TCF20: variants seen among roughly 807,000 people sequenced by gnomAD.
TCF20 encodes transcription factor 20.
In TCF20, 3 loss-of-function variants were observed where a neutral mutation model predicts 148.6. That is an observed-to-expected ratio of 0.02 (90% CI 0.01 to 0.05). TCF20 has a LOEUF of 0.05. Ranked by LOEUF, TCF20 falls within the 10% of genes least tolerant of loss-of-function variation. The pLI is 1.00. For synonymous variants in TCF20, 1,049 were observed against 909.5 expected (o/e 1.15, Z -2.76); for missense variants, 2,350 against 2,429.3 (o/e 0.97, Z 0.69).
intron 1 of TCF20, among the ~76,000 whole-genome samples, chr22:42,323,869 G>GTGGTGATGGAGGTTA (rs1927784379): frequency 7.4e-6 from 1 of 135,418 alleles, no homozygotes; most frequent in Non-Finnish European, 1.7e-5. Flanking sequence ...TATGGTGGTG[G>GTGGTGATGGAGGTTA]TGGTGGTGGT....
chr22:42,162,715 T>TCCC (rs1569091009), intron 5 of TCF20, among the ~76,000 whole-genome samples: 1 of 152,130 alleles, frequency 6.6e-6, no homozygotes, highest in African/African-American at 2.4e-5. Context: ...TTTGGTGCCC[T>TCCC]CCCCTGACAA....
intron 1 of TCF20, among the ~76,000 whole-genome samples, chr22:42,219,230 T>C: frequency 6.6e-6 from 1 of 150,808 alleles, no homozygotes; most frequent in Non-Finnish European, 1.5e-5. Flanking sequence ...TGTCATGAGG[T>C]GTGCCTACAG....
intron 1 of TCF20, among the ~76,000 whole-genome samples, chr22:42,298,332 T>TG (rs1927272087): frequency 6.6e-6 from 1 of 152,160 alleles, no homozygotes; most frequent in Non-Finnish European, 1.5e-5. Flanking sequence ...CATGGGCGAT[T>TG]GACCCAAAGG....
chr22:42,275,708 A>G (rs969279345), intron 1 of TCF20, among the ~76,000 whole-genome samples: 2 of 152,170 alleles, frequency 1.3e-5, no homozygotes, highest in African/African-American at 2.4e-5. Context: ...CACAGAGGTT[A>G]AGAGACTTGC....
At chr22:42,272,697 G>C (rs1388293885), upstream of TCF20, among the ~76,000 whole-genome samples, 1 of 152,190 alleles carries the variant, frequency 6.6e-6, no homozygotes, top group Non-Finnish European at 1.5e-5. Flanking sequence ...GACCAGGCCA[G>C]CTGGGCCTCT....
At chr22:42,318,010 G>A (rs886178685) in intron 1 of TCF20, among the ~76,000 whole-genome samples, 1 of 152,110 alleles carries the variant, frequency 6.6e-6, no homozygotes, top group Non-Finnish European at 1.5e-5. Context: ...GCACAGGGGC[G>A]TGTGCCCAGG....
intron 1 of TCF20, among the ~76,000 whole-genome samples, chr22:42,219,866 TAAAA>T (rs1356151261): frequency 1.3e-5 from 2 of 151,884 alleles, no homozygotes; most frequent in Non-Finnish European, 2.9e-5. Flanking sequence ...AATAAATAAA[TAAAA>T]AAGAGGCCTA....
Position 42,211,131 on chromosome 22 carries a change from G to A in TCF20, c.4175C>T (p.Pro1392Leu), listed in dbSNP as rs1442867160. The change falls in exon 2 of 6, where the codon CCT becomes CTT. Residue 1392 changes from proline to leucine, a missense_variant. Transcript: ENST00000677622. ...AACAGCAACACTCCCACCTTCAGGA[G>A]GACCACTCTTCAAAGACAGTATATC... ...LDDILSLKSGPPEGGSVAVQD... is the reference protein window; with the variant it reads ...LDDILSLKSGLPEGGSVAVQD... 2.5e-6 allele frequency: 4 copies of A among 1,614,152 alleles called. No individual in the cohort carries two copies. In the South Asian group the frequency reaches 4.4e-5, roughly 18 times the overall value.
At chr22:42,263,027 T>C (rs938190896) in intron 1 of TCF20, among the ~76,000 whole-genome samples, 4 of 152,168 alleles carry the variant, frequency 2.6e-5, no homozygotes, top group Non-Finnish European at 2.9e-5. Context: ...GAGTGCCACC[T>C]GCAGGCAGTC....
intron 3 of TCF20, among the ~76,000 whole-genome samples, chr22:42,176,697 T>C (rs887192201): frequency 8.5e-5 from 13 of 152,286 alleles, no homozygotes; most frequent in African/African-American, 2.6e-4. Context: ...ATACATCTAA[T>C]GCTCAAGTAA....
Position 42,219,355 on chromosome 22 carries a change from C to CAAAAAAAAAAAAAAAAA in TCF20, c.-36-4031_-36-4015dup, listed in dbSNP as rs528664836. Among the ~76,000 whole-genome samples, 42 of 43,542 alleles carry CAAAAAAAAAAAAAAAAA rather than the reference C, an allele frequency of 9.6e-4. 2 individuals are homozygous for CAAAAAAAAAAAAAAAAA. The highest frequency in any genetic ancestry group is 2.3e-3 in the African/African-American group (23 of 10,168). 28.6% of individuals were successfully genotyped at this position (43,542 alleles called of 152,430 possible). A position where few individuals can be genotyped will look rare whatever the true frequency, so the allele number is the denominator to read the frequency against. ...ACCCTGGGTGACAGTAACCCTGTCT[C>CAAAAAAAAAAAAAAAAA]AAAAAAAAAAAAAAAAAAAAAAAAA... On this transcript the variant is annotated intron_variant, in intron 1 of 5. Coordinates refer to ENST00000677622, the MANE Select transcript of TCF20 (RefSeq NM_001378418.1).
rs150148292 is a variant in TCF20 at position 42,175,096 on chromosome 22, C to T, written c.5749+4513G>A. 2.5e-4 allele frequency among the ~76,000 whole-genome samples: 38 copies of T among 152,150 alleles called. No individual in the cohort carries two copies. In the East Asian group the frequency reaches 6.9e-3, roughly 28 times the overall value. On this transcript the variant is annotated intron_variant, in intron 3 of 5. Coordinates refer to ENST00000677622, the MANE Select transcript of TCF20 (RefSeq NM_001378418.1). Reference sequence around the variant, plus strand: ...AAACAAAACTTTATATTACTGCTCCCCCTCTTTCCTGGCCACTAGACTACA... The same window carrying T: ...AAACAAAACTTTATATTACTGCTCCTCCTCTTTCCTGGCCACTAGACTACA...
intron 1 of TCF20, among the ~76,000 whole-genome samples, chr22:42,224,429 T>C (rs1052793914): frequency 6.7e-6 from 1 of 148,156 alleles, no homozygotes; most frequent in Non-Finnish European, 1.5e-5. Context: ...ATCGCACCAC[T>C]GCACTCCAGC....
At chr22:42,274,615 C>G (rs1268614812), upstream of TCF20, 2 of 152,200 alleles carry the variant, frequency 1.3e-5, no homozygotes, top group African/African-American at 4.8e-5. Flanking sequence ...TCCTGCAGGG[C>G]CTTAGAGCAT....
intron 1 of TCF20, among the ~76,000 whole-genome samples, chr22:42,310,150 G>T (rs773989864): frequency 6.6e-6 from 1 of 152,232 alleles, no homozygotes; most frequent in Non-Finnish European, 1.5e-5. Flanking sequence ...TAGGCAGAGG[G>T]AATTGTTTCT....
intron 1 of TCF20, among the ~76,000 whole-genome samples, chr22:42,311,782 G>A (rs905761819): frequency 3.9e-5 from 6 of 152,170 alleles, no homozygotes; most frequent in Non-Finnish European, 8.8e-5. Flanking sequence ...AGGAGCTGCC[G>A]CGTGTCCTCC....
At chr22:42,313,756 C>T (rs4820460) in intron 1 of TCF20, among the ~76,000 whole-genome samples, 84,518 of 151,908 alleles carry the variant, frequency 0.56, 24,161 homozygotes, top group African/African-American at 0.68. Flanking sequence ...TGTGCCACCA[C>T]GCCCAGCTCA....
At chr22:42,169,792 G>A in intron 4 of TCF20, 55 bp downstream of exon 4, 3 of 1,593,972 alleles carry the variant, frequency 1.9e-6, no homozygotes, top group Non-Finnish European at 2.6e-6. Context: ...GGTCTTTCAG[G>A]AGGAGCCACC....
At chr22:42,305,133 G>A (rs1332796833) in intron 1 of TCF20, among the ~76,000 whole-genome samples, 1 of 152,124 alleles carries the variant, frequency 6.6e-6, no homozygotes, top group African/African-American at 2.4e-5. Context: ...CCATGCAGTC[G>A]TACAGCACTG....
Sources: gnomAD v4.1 joint callset for allele counts (sites outside exome capture counted in the v4.1 genomes callset) on GRCh38, gnomAD v4.1.1 for gene constraint, MANE v1.5 for transcripts, NCBI Gene and HGNC (gene_info 2026-07-23, HGNC 2026-07-21) for gene names.